IGF2BP2: variants seen among roughly 807,000 people sequenced by gnomAD.
The protein encoded by IGF2BP2 is insulin-like growth factor 2 mRNA-binding protein 2.
In IGF2BP2, 17 loss-of-function variants were observed where a neutral mutation model predicts 75.8. That is an observed-to-expected ratio of 0.22 (90% CI 0.15 to 0.34). The LOEUF (loss-of-function observed/expected upper bound fraction) is 0.34, where lower values mean the gene tolerates loss of function less well. IGF2BP2 is among the 10% of genes least tolerant of loss of function. The probability of loss-of-function intolerance (pLI) is 1.00; values close to 1 mark genes in which losing one functional copy is unlikely to be tolerated. For synonymous variants in IGF2BP2, 288 were observed against 295.6 expected (o/e 0.97, Z 0.26); for missense variants, 516 against 772.4 (o/e 0.67, Z 3.93).
At chr3:185,725,735 G>A (rs1004010864) in intron 2 of IGF2BP2, among the ~76,000 whole-genome samples, 1 of 152,178 alleles carries the variant, frequency 6.6e-6, no homozygotes, top group African/African-American at 2.4e-5. Flanking sequence ...ACTTTGGGAG[G>A]CCAAAGCAGG....
chr3:185,759,162 G>C (rs1297857957), intron 2 of IGF2BP2, among the ~76,000 whole-genome samples: 1 of 152,136 alleles, frequency 6.6e-6, no homozygotes, highest in Non-Finnish European at 1.5e-5. Flanking sequence ...TGCAATACAT[G>C]TTACTATGAA....
At chr3:185,813,671 G>GT (rs2150026357) in intron 2 of IGF2BP2, among the ~76,000 whole-genome samples, 1 of 152,296 alleles carries the variant, frequency 6.6e-6, no homozygotes, top group South Asian at 2.1e-4. Context: ...AGCCTACAAC[G>GT]TTAGACCCCT....
At chr3:185,789,602 T>C (rs2149849556) in intron 2 of IGF2BP2, among the ~76,000 whole-genome samples, 1 of 151,880 alleles carries the variant, frequency 6.6e-6, no homozygotes, top group East Asian at 1.9e-4. Flanking sequence ...TTCAAGTCCC[T>C]GGTTATGAAT....
At chr3:185,717,159 G>A (rs1231671298) in intron 2 of IGF2BP2, 1 of 190,796 alleles carries the variant, frequency 5.2e-6, no homozygotes, top group Non-Finnish European at 1.1e-5. Flanking sequence ...AGCTCTGAGA[G>A]AGACTGGTTT....
chr3:185,676,586 C>G (rs56213757), intron 7 of IGF2BP2, among the ~76,000 whole-genome samples: 4 of 151,664 alleles, frequency 2.6e-5, no homozygotes, highest in African/African-American at 4.8e-5. Flanking sequence ...TGAGGTGGGA[C>G]TGCTTGAGCC....
intron 2 of IGF2BP2, among the ~76,000 whole-genome samples, chr3:185,758,096 C>T (rs1731880281): frequency 6.6e-6 from 1 of 152,222 alleles, no homozygotes; most frequent in Non-Finnish European, 1.5e-5. Flanking sequence ...AAACTCTGAT[C>T]ACAACAGGAC....
intron 2 of IGF2BP2, among the ~76,000 whole-genome samples, chr3:185,741,102 T>C (rs1283954131): frequency 6.6e-6 from 1 of 152,104 alleles, no homozygotes; most frequent in Non-Finnish European, 1.5e-5. Context: ...CTCGATCTCC[T>C]GACCTCGTGA....
At chr3:185,684,350 C>T (rs549786388) in intron 7 of IGF2BP2, among the ~76,000 whole-genome samples, 34 of 152,238 alleles carry the variant, frequency 2.2e-4, no homozygotes, top group African/African-American at 8.2e-4. Context: ...TTAGGACCTT[C>T]AGTTACATGT....
At chr3:185,683,718 C>G (rs9834931) in intron 7 of IGF2BP2, among the ~76,000 whole-genome samples, 14 of 152,012 alleles carry the variant, frequency 9.2e-5, no homozygotes, top group Non-Finnish European at 1.8e-4. Flanking sequence ...CAAGACAGTA[C>G]ATTTTATGTT....
In IGF2BP2 at chr3:185,689,398, C is replaced by G; in HGVS notation, c.634G>C (p.Glu212Gln). The change falls in exon 6 of 16, where the codon GAG becomes CAG. Residue 212 changes from glutamate (E) to glutamine (Q), a missense_variant. Around this residue, in one of 3 missense-constraint regions of IGF2BP2, gnomAD observed 312 missense variants for 474.5 expected, o/e 0.66. Transcript: ENST00000382199. ...TQFVGAIIGK[E>Q]GLTIKNITKQ... is the part of the protein sequence containing the mutation. ...GTGATGTTCTTTATGGTCAAGCCCT[C>G]CTTTCCGATGATGGCACCAACAAAC... The G allele has an allele frequency of 6.2e-7, 1 of 1,614,022 alleles. No individual in the cohort carries two copies. Among genetic ancestry groups the G allele is most frequent in the Non-Finnish European group, 8.5e-7 (1 of 1,180,030 alleles).
chr3:185,645,560 G>C lies in IGF2BP2; in HGVS notation c.1771C>G (p.Gln591Glu). Residue 591 changes from glutamine (Q) to glutamate (E), a missense_variant, in exon 16 of 16, where the codon CAG becomes GAG. Gln to Glu is a conservative substitution (Grantham distance 29). This residue lies in a region of IGF2BP2 where 129 missense variants were observed against 230.5 expected (regional missense o/e 0.56). Coordinates refer to ENST00000382199, the MANE Select transcript of IGF2BP2 (RefSeq NM_006548.6). The surrounding 1 kb of genome is among the most constrained non-coding windows in gnomAD (Gnocchi z 4.9). ...TTGCTGCGCTGTGAGGCGACTCCCT[G>C]AGGGTATTTCTGCTCCTGCTGCTTC... ...QVKQQEQKYP[Q>E]GVASQRSK 6.2e-7 allele frequency: 1 copy of C among 1,613,574 alleles called. No individual in the cohort carries two copies. Among genetic ancestry groups the C allele is most frequent in the Non-Finnish European group, 8.5e-7 (1 of 1,179,492 alleles).
At chr3:185,779,069 A>G (rs1293515647) in intron 2 of IGF2BP2, among the ~76,000 whole-genome samples, 3 of 149,394 alleles carry the variant, frequency 2.0e-5, no homozygotes, top group Admixed American at 2.0e-4. Context: ...GTAGGCAGAT[A>G]TGGAACAAAG....
chr3:185,704,204 G>C (rs1029176470), intron 2 of IGF2BP2, among the ~76,000 whole-genome samples: 1 of 152,154 alleles, frequency 6.6e-6, no homozygotes, highest in Non-Finnish European at 1.5e-5. Context: ...TATGCTAACC[G>C]GCCCCGAGCT....
At chr3:185,799,630 T>C (rs1302085819) in intron 2 of IGF2BP2, among the ~76,000 whole-genome samples, 2 of 151,976 alleles carry the variant, frequency 1.3e-5, no homozygotes, top group South Asian at 2.1e-4. Flanking sequence ...CGGGTGACTG[T>C]AGTCCCAGCT....
intron 2 of IGF2BP2, chr3:185,729,619 T>G (rs1208653441): frequency 6.6e-6 from 1 of 152,210 alleles, no homozygotes; most frequent in Non-Finnish European, 1.5e-5. Flanking sequence ...TACAAAACCC[T>G]GCATTAGTAA....
At chr3:185,733,172 T>C (rs1443567027) in intron 2 of IGF2BP2, among the ~76,000 whole-genome samples, 1 of 152,240 alleles carries the variant, frequency 6.6e-6, no homozygotes, top group Non-Finnish European at 1.5e-5. Context: ...GTAAGAATCT[T>C]GGAAATCATC....
intron 2 of IGF2BP2, among the ~76,000 whole-genome samples, chr3:185,739,183 G>A (rs982486397): frequency 5.3e-5 from 8 of 152,120 alleles, no homozygotes; most frequent in Non-Finnish European, 1.0e-4. Flanking sequence ...TACAACGGTG[G>A]ACTTAAAACA....
chr3:185,682,061 G>A (rs1720468036), intron 7 of IGF2BP2, among the ~76,000 whole-genome samples: 1 of 152,178 alleles, frequency 6.6e-6, no homozygotes, highest in Non-Finnish European at 1.5e-5. Flanking sequence ...TAGACCAGTG[G>A]GAGTACATCA....
At chr3:185,666,001 CATAGATAG>C (rs57817338) in intron 10 of IGF2BP2, among the ~76,000 whole-genome samples, 26,456 of 145,158 alleles carry the variant, frequency 0.18, 2,462 homozygotes, top group Middle Eastern at 0.28. Flanking sequence ...TAGATAGGTA[CATAGATAG>C]ATAGATAGAT....
Sources: allele counts gnomAD v4.1 joint callset (sites outside exome capture counted in the v4.1 genomes callset), GRCh38; gene constraint gnomAD v4.1.1; regional missense constraint gnomAD v4.1.1; non-coding constraint Gnocchi (gnomAD v3.1); transcripts MANE v1.5; gene names NCBI Gene and HGNC (gene_info 2026-07-23, HGNC 2026-07-21).